VEGFC: variants seen among roughly 807,000 people sequenced by gnomAD.
The protein encoded by VEGFC is FLT4 ligand DHM.
A neutral mutation model predicts 46.1 loss-of-function variants in VEGFC; 12 were observed. That is an observed-to-expected ratio of 0.26 (90% CI 0.17 to 0.42). The LOEUF (loss-of-function observed/expected upper bound fraction) is 0.42, where lower values mean the gene tolerates loss of function less well. Ranked by LOEUF, VEGFC falls within the 10% of genes least tolerant of loss-of-function variation. The pLI is 1.00. For missense variants in VEGFC, 488 were observed against 529.4 expected (o/e 0.92, Z 0.77); for synonymous variants, 232 against 195.5 (o/e 1.19, Z -1.56).
At chr4:176,711,404 A>G (rs983059268) in intron 4 of VEGFC, 95 bp downstream of exon 4, 6 of 1,379,466 alleles carry the variant, frequency 4.3e-6, no homozygotes, top group African/African-American at 1.5e-5. Context: ...TATTACAGTA[A>G]ATTTCACAGA....
At position 176,755,279 on chromosome 4, in the gene VEGFC, C is replaced by T. The variant is rs933181815; in HGVS notation, c.148-25533G>A. Among the ~76,000 whole-genome samples the T allele has an allele frequency of 1.2e-4, 18 of 152,106 alleles. No individual in the cohort carries two copies. The South Asian group carries it at 1.9e-3, about 16-fold the overall frequency. On this transcript the variant is annotated intron_variant, in intron 1 of 6. Coordinates refer to ENST00000618562, the MANE Select transcript of VEGFC (RefSeq NM_005429.5). ...ATTCCCTGAGTTTTTGCTCTTACTGCCAGAACCCATGCTGCCCACTTACAG... is the reference window on the plus strand; with the variant it reads ...ATTCCCTGAGTTTTTGCTCTTACTGTCAGAACCCATGCTGCCCACTTACAG...
At chr4:176,751,838 C>A (rs1455272826) in intron 1 of VEGFC, among the ~76,000 whole-genome samples, 1 of 151,686 alleles carries the variant, frequency 6.6e-6, no homozygotes, top group East Asian at 1.9e-4. Context: ...CTTCAATTTA[C>A]CTGTAAGTTT....
chr4:176,716,301 G>C (rs1025487944), intron 3 of VEGFC, among the ~76,000 whole-genome samples: 2 of 151,982 alleles, frequency 1.3e-5, no homozygotes, highest in Non-Finnish European at 2.9e-5. Context: ...TGAGGGCGGG[G>C]CATGGTGACT....
At chr4:176,763,961 C>G (rs1735574073) in intron 1 of VEGFC, among the ~76,000 whole-genome samples, 1 of 152,020 alleles carries the variant, frequency 6.6e-6, no homozygotes, top group Admixed American at 6.6e-5. Context: ...AAAATGTGTT[C>G]CCTTAGTCAC....
chr4:176,732,028 GA>G (rs1356468390), intron 1 of VEGFC, among the ~76,000 whole-genome samples: 2 of 151,852 alleles, frequency 1.3e-5, no homozygotes, highest in Admixed American at 6.6e-5. Context: ...CTCTTAGGCT[GA>G]AAAAGGCCTT....
intron 1 of VEGFC, among the ~76,000 whole-genome samples, chr4:176,782,490 T>C (rs1450598643): frequency 6.7e-6 from 1 of 149,304 alleles, no homozygotes; most frequent in Non-Finnish European, 1.5e-5. Context: ...AATTTTTAAA[T>C]AAAAAAAAGT....
In VEGFC at chr4:176,687,168, C is replaced by T. The variant is rs1307348997; in HGVS notation, c.1145+19G>A. The T allele has an allele frequency of 6.3e-7, 1 of 1,594,142 alleles. No homozygotes were observed. The highest frequency in any genetic ancestry group is 8.5e-7 in the Non-Finnish European group (1 of 1,171,776). The stretch of plus-strand genomic sequence containing the variant: ...ATTTCTAGTAAGATAAATTAATATT[C>T]TTCATGAGGATCTCTTACCTGCATG... On this transcript the variant is annotated intron_variant, in intron 6 of 6. Coordinates refer to ENST00000618562, the MANE Select transcript of VEGFC (RefSeq NM_005429.5).
intron 4 of VEGFC, among the ~76,000 whole-genome samples, chr4:176,696,000 A>G (rs1176419561): frequency 6.7e-6 from 1 of 148,444 alleles, no homozygotes; most frequent in Non-Finnish European, 1.5e-5. Context: ...AATAAGAGCT[A>G]TCTATGACAA....
chr4:176,766,083 C>T (rs1038492753), intron 1 of VEGFC, among the ~76,000 whole-genome samples: 3 of 151,388 alleles, frequency 2.0e-5, no homozygotes, highest in Non-Finnish European at 4.4e-5. Flanking sequence ...ACCTAGGTAC[C>T]GAAAAGGAAG....
chr4:176,784,933 G>A (rs1023853998), intron 1 of VEGFC, among the ~76,000 whole-genome samples: 1 of 152,172 alleles, frequency 6.6e-6, no homozygotes, highest in South Asian at 2.1e-4. Flanking sequence ...CTCAGGACAT[G>A]AATACAGAAA....
chr4:176,766,763 G>A (rs934306540), intron 1 of VEGFC, among the ~76,000 whole-genome samples: 2 of 151,938 alleles, frequency 1.3e-5, no homozygotes, highest in Non-Finnish European at 2.9e-5. Flanking sequence ...AATATGCTAG[G>A]TTACCTAGTT....
At chr4:176,701,685 G>T (rs1459730588) in intron 4 of VEGFC, among the ~76,000 whole-genome samples, 1 of 152,142 alleles carries the variant, frequency 6.6e-6, no homozygotes, top group Non-Finnish European at 1.5e-5. Context: ...ACAATGTTTA[G>T]ATAATGAGCT....
intron 2 of VEGFC, 92 bp downstream of exon 2, chr4:176,729,441 G>A: frequency 9.7e-7 from 1 of 1,030,304 alleles, no homozygotes; most frequent in South Asian, 1.8e-5. Context: ...GGTGTATTCG[G>A]TGATACAAAC....
rs1735892649 is a variant in VEGFC at position 176,780,387 on chromosome 4, A to AAACAAAAAAAAAAAC, written c.147+11777_147+11778insGTTTTTTTTTTTGTT. 5.2e-5 allele frequency among the ~76,000 whole-genome samples: 6 copies of AAACAAAAAAAAAAAC among 114,760 alleles called. 1 individual carries two copies. The South Asian group carries it at 1.2e-3, about 23-fold the overall frequency. 75.3% of individuals were successfully genotyped at this position (114,760 alleles called of 152,430 possible). A position where few individuals can be genotyped will look rare whatever the true frequency, so the allele number is the denominator to read the frequency against. On this transcript the variant is annotated intron_variant, in intron 1 of 6. Transcript: ENST00000618562. ...ACAGAGCGAGACTCCATCTCAAAAA[A>AAACAAAAAAAAAAAC]AAAAAAAAAAAACTCCTTCTAACCC... is the stretch of plus-strand genomic sequence containing the variant.
chr4:176,754,974 A>G (rs1462103929), intron 1 of VEGFC, among the ~76,000 whole-genome samples: 1 of 152,120 alleles, frequency 6.6e-6, no homozygotes, highest in Non-Finnish European at 1.5e-5. Flanking sequence ...GGTCTGCACC[A>G]ACATATACAT....
chr4:176,692,115 C>G (rs941663965), intron 4 of VEGFC, among the ~76,000 whole-genome samples: 16 of 152,088 alleles, frequency 1.1e-4, no homozygotes, highest in Admixed American at 4.6e-4. Context: ...GGCGCACCGG[C>G]CCGGCGCGGT....
intron 1 of VEGFC, among the ~76,000 whole-genome samples, chr4:176,742,846 A>C (rs940719915): frequency 6.6e-6 from 1 of 152,082 alleles, no homozygotes; most frequent in East Asian, 1.9e-4. Flanking sequence ...GTGAAAAGCC[A>C]AACATTGAAT....
Position 176,729,687 on chromosome 4 carries a change from G to A in VEGFC, c.207C>T (p.Leu69=). ...QLRSVSSVDE[L]MTVLYPEYWK... is the part of the protein sequence containing the mutation. ...AATATTCTGGGTAGAGTACAGTCAT[G>A]AGTTCATCTACACTGGACACAGACC... is the stretch of plus-strand genomic sequence containing the variant. Residue 69 remains leucine (L), a synonymous_variant, in exon 2 of 7, where the codon CTC becomes CTT. Coordinates refer to ENST00000618562, the MANE Select transcript of VEGFC (RefSeq NM_005429.5). The A allele has an allele frequency of 6.2e-7, 1 of 1,613,352 alleles. No homozygotes were observed. Among genetic ancestry groups the A allele is most frequent in the Middle Eastern group, 1.7e-4 (1 of 6,052 alleles).
intron 3 of VEGFC, among the ~76,000 whole-genome samples, chr4:176,714,304 TC>T (rs1734663970): frequency 6.6e-6 from 1 of 152,080 alleles, no homozygotes; most frequent in African/African-American, 2.4e-5. Flanking sequence ...ACCTCTCCCT[TC>T]CCTCTCTTGC....
Sources: gnomAD v4.1 joint callset for allele counts (sites outside exome capture counted in the v4.1 genomes callset) on GRCh38, gnomAD v4.1.1 for gene constraint, MANE v1.5 for transcripts, NCBI Gene and HGNC (gene_info 2026-07-23, HGNC 2026-07-21) for gene names.